Variants in IKZF1 observed in about 807,000 individuals in gnomAD.
IKZF1 encodes DNA-binding protein Ikaros.
Under a neutral mutation model 51.7 loss-of-function variants are expected in IKZF1, and 10 were observed. That is an observed-to-expected ratio of 0.19 (90% CI 0.12 to 0.33). IKZF1 has a LOEUF of 0.33. Among genes scored for constraint, IKZF1 ranks in the 10% least tolerant of loss-of-function variants. The pLI is 1.00. For synonymous variants in IKZF1, 280 were observed against 282.3 expected, an observed-to-expected ratio of 0.99 and a Z score of 0.08; for missense variants, 484 against 707.5, an observed-to-expected ratio of 0.68 and a Z score of 3.58.
chr7:50,363,349 A>T (rs1323272679), intron 3 of IKZF1, among the ~76,000 whole-genome samples: 1 of 152,178 alleles, frequency 6.6e-6, no homozygotes, highest in Non-Finnish European at 1.5e-5. Context: ...AGTGTAAGAC[A>T]TCATGGCCTG....
At chr7:50,305,343 A>G (rs900809855) in intron 1 of IKZF1, among the ~76,000 whole-genome samples, 2 of 152,204 alleles carry the variant, frequency 1.3e-5, no homozygotes, top group Admixed American at 1.3e-4. Flanking sequence ...CAAGAGAGGA[A>G]TTATCCCGGC....
chr7:50,364,666 A>AAC (rs1343573132), intron 3 of IKZF1, among the ~76,000 whole-genome samples: 1 of 152,254 alleles, frequency 6.6e-6, no homozygotes, highest in Non-Finnish European at 1.5e-5. Flanking sequence ...AGAGAGTGAG[A>AAC]AAAAGCAGGT....
At chr7:50,313,614 A>C (rs1362324100) in intron 1 of IKZF1, among the ~76,000 whole-genome samples, 1 of 152,242 alleles carries the variant, frequency 6.6e-6, no homozygotes, top group African/African-American at 2.4e-5. Context: ...AGGCATCACC[A>C]TCAGACTGCA....
At chr7:50,368,250 C>T in intron 3 of IKZF1, 1 of 703,104 alleles carries the variant, frequency 1.4e-6, no homozygotes, top group Non-Finnish European at 2.6e-6. Context: ...AAGGTCTAGG[C>T]AGTTGTGCGG....
chr7:50,335,771 CTG>C (rs1797624539), intron 3 of IKZF1, among the ~76,000 whole-genome samples: 1 of 151,530 alleles, frequency 6.6e-6, no homozygotes, highest in Admixed American at 6.6e-5. Flanking sequence ...TGTGGTGTGT[CTG>C]TGGTGTATGT....
chr7:50,347,916 T>C (rs1800788165), intron 3 of IKZF1, among the ~76,000 whole-genome samples: 1 of 152,186 alleles, frequency 6.6e-6, no homozygotes, highest in African/African-American at 2.4e-5. Context: ...GTGTTTGCAT[T>C]GAACCAAGCT....
At chr7:50,324,231 G>C (rs1018142859) in intron 2 of IKZF1, among the ~76,000 whole-genome samples, 8 of 152,190 alleles carry the variant, frequency 5.3e-5, no homozygotes, top group African/African-American at 1.7e-4. Flanking sequence ...AGCTGTCACA[G>C]AAGATGAGGG....
intron 3 of IKZF1, chr7:50,328,043 T>C (rs970836014): frequency 5.9e-6 from 2 of 337,452 alleles, no homozygotes; most frequent in East Asian, 1.1e-4. Flanking sequence ...CTGTCCTCAC[T>C]GCACTTGCAG....
At chr7:50,396,304 G>C (rs559051395) in intron 7 of IKZF1, among the ~76,000 whole-genome samples, 1 of 152,106 alleles carries the variant, frequency 6.6e-6, no homozygotes, top group South Asian at 2.1e-4. Context: ...TCCTCTGTCA[G>C]TAATTTAATT....
intron 3 of IKZF1, among the ~76,000 whole-genome samples, chr7:50,339,325 A>G (rs1798529289): frequency 6.6e-6 from 1 of 151,098 alleles, no homozygotes; most frequent in Admixed American, 6.6e-5. Context: ...TAATTTGTCC[A>G]ACAGAAGAGT....
intron 3 of IKZF1, among the ~76,000 whole-genome samples, chr7:50,353,896 G>T (rs1445603139): frequency 6.6e-6 from 1 of 152,200 alleles, no homozygotes; most frequent in Non-Finnish European, 1.5e-5. Context: ...CAGCACCTCT[G>T]TTACAAGAAG....
Position 50,318,229 on chromosome 7 carries a change from C to G in IKZF1, c.-14-819C>G, listed in dbSNP as rs149785519. Among the ~76,000 whole-genome samples, 4 of 152,048 alleles carry G rather than the reference C, an allele frequency of 2.6e-5. No individual in the cohort carries two copies. The South Asian group carries it at 8.3e-4, about 32-fold the overall frequency. The stretch of plus-strand genomic sequence containing the variant: ...GGTTCTCTCCCTGGTGTTTGTGGCT[C>G]GTAGTACACTCTGTGGAACATTCAC... On this transcript the variant is annotated intron_variant, in intron 1 of 7. Transcript: ENST00000331340.
rs975086800 is a variant in IKZF1, at chr7:50,376,926, T to A, written c.421+133T>A. On this transcript the variant is annotated intron_variant, in intron 4 of 7. Coordinates refer to ENST00000331340, the MANE Select transcript of IKZF1 (RefSeq NM_006060.6). This position sits in a 1 kb window ranked among gnomAD's most constrained non-coding sequence, Gnocchi z 4.5. ...TGGTAGCTCAGTTGTTGCAAGCGATTGGTTCCAAGTGGTACCGAGTCATAG... is the reference window on the plus strand; with the variant it reads ...TGGTAGCTCAGTTGTTGCAAGCGATAGGTTCCAAGTGGTACCGAGTCATAG... The A allele has an allele frequency of 3.5e-6, 5 of 1,420,500 alleles. No homozygotes were observed. In the African/African-American group the frequency reaches 7.2e-5, roughly 20 times the overall value. 88.0% of individuals were successfully genotyped at this position (1,420,500 alleles called of 1,614,324 possible).
At chr7:50,308,515 G>C (rs1358652235) in intron 1 of IKZF1, among the ~76,000 whole-genome samples, 1 of 152,156 alleles carries the variant, frequency 6.6e-6, no homozygotes, top group East Asian at 1.9e-4. Flanking sequence ...CTGCCTTTGG[G>C]GAACTCACAA....
chr7:50,370,919 C>T (rs1273829715), intron 3 of IKZF1, among the ~76,000 whole-genome samples: 1 of 152,160 alleles, frequency 6.6e-6, no homozygotes, highest in Admixed American at 6.6e-5. Flanking sequence ...AATACCACAG[C>T]TAAGCAGTTC....
intron 3 of IKZF1, among the ~76,000 whole-genome samples, chr7:50,356,815 A>G (rs926417049): frequency 2.0e-5 from 3 of 152,166 alleles, no homozygotes; most frequent in African/African-American, 7.2e-5. Context: ...ATGACACACA[A>G]GCACAGTGTC....
intron 2 of IKZF1, among the ~76,000 whole-genome samples, chr7:50,325,422 TC>T (rs1191877124): frequency 6.6e-6 from 1 of 152,154 alleles, no homozygotes; most frequent in Non-Finnish European, 1.5e-5. Flanking sequence ...TTGGAGTTTT[TC>T]CCCATTTATG....
intron 2 of IKZF1, among the ~76,000 whole-genome samples, chr7:50,325,528 G>T (rs186467357): frequency 6.6e-6 from 1 of 152,048 alleles, no homozygotes; most frequent in Non-Finnish European, 1.5e-5. Context: ...TAATCCCAGC[G>T]CTTGGGAGGC....
intron 2 of IKZF1, among the ~76,000 whole-genome samples, chr7:50,324,964 A>G (rs1006511117): frequency 2.0e-5 from 3 of 152,124 alleles, no homozygotes; most frequent in Non-Finnish European, 2.9e-5. Context: ...AAAAGAGTCA[A>G]TAAAGTTTAG....
Sources: allele counts gnomAD v4.1 joint callset (sites outside exome capture counted in the v4.1 genomes callset), GRCh38; gene constraint gnomAD v4.1.1; non-coding constraint Gnocchi (gnomAD v3.1); transcripts MANE v1.5; gene names NCBI Gene and HGNC (gene_info 2026-07-23, HGNC 2026-07-21).